The following CAST variants were observed in gnomAD, a reference collection of about 807,000 sequenced individuals.
CAST encodes calpastatin, also known as MIR583 host.
In CAST, 76 loss-of-function variants were observed where a neutral mutation model predicts 119.6. That is an observed-to-expected ratio of 0.64 (90% confidence interval 0.53 to 0.77). The LOEUF (loss-of-function observed/expected upper bound fraction) is 0.77, where lower values mean the gene tolerates loss of function less well. Ranked by LOEUF, CAST falls within the 30% of genes least tolerant of loss-of-function variation. The pLI, the probability that CAST is intolerant of heterozygous loss-of-function variation, is 0.00. For synonymous variants in CAST, 319 were observed against 331.6 expected (o/e 0.96, Z 0.41); for missense variants, 953 against 946.5 (o/e 1.01, Z -0.09).
chr5:96,619,822 A>C (rs557126022), intron 1 of CAST, among the ~76,000 whole-genome samples: 6 of 152,284 alleles, frequency 3.9e-5, no homozygotes, highest in African/African-American at 1.4e-4. Context: ...CCGACACATT[A>C]GCATTACAAG....
chr5:96,649,966 C>G lies in CAST; in HGVS notation c.61-25573C>G, dbSNP rs2112277. On this transcript the variant is annotated intron_variant, in intron 1 of 11. Coordinates refer to the CAST transcript ENST00000505143. ...ATTCTAAAAGTTTTACTTGGATATT[C>G]TCACATAATCCTTATAGCAACCTCA... Among the ~76,000 whole-genome samples the G allele has an allele frequency of 2.8e-3, 427 of 152,288 alleles. 9 individuals are homozygous for G. Among genetic ancestry groups the G allele is most frequent in the Admixed American group, 0.021 (325 of 15,300 alleles).
At chr5:96,328,422 T>TCTCTCTCC in the CAST span, among the ~76,000 whole-genome samples, 2 of 140,456 alleles carry the variant, frequency 1.4e-5, no homozygotes, top group Non-Finnish European at 3.1e-5. Context: ...TCTCTCTCTC[T>TCTCTCTCC]CTCTCTCTCC....
intron 1 of CAST, among the ~76,000 whole-genome samples, chr5:96,629,241 T>C (rs2150201428): frequency 6.6e-6 from 1 of 152,340 alleles, no homozygotes; most frequent in Non-Finnish European, 1.5e-5. Context: ...TGTTCGCTTC[T>C]ACCTTCCACC....
the CAST span, among the ~76,000 whole-genome samples, chr5:96,475,013 A>G: frequency 1.3e-5 from 2 of 152,198 alleles, no homozygotes; most frequent in Admixed American, 1.3e-4. Flanking sequence ...AGAAGAAGGT[A>G]AAAGGAGGTA....
At chr5:96,109,091 G>A in the CAST span, among the ~76,000 whole-genome samples, 6 of 152,172 alleles carry the variant, frequency 3.9e-5, 1 homozygote, top group African/African-American at 9.7e-5. Flanking sequence ...GCTTGCGCAC[G>A]GTGCGTGCAC....
At chr5:96,152,437 G>A in the CAST span, among the ~76,000 whole-genome samples, 2 of 152,152 alleles carry the variant, frequency 1.3e-5, no homozygotes, top group Non-Finnish European at 2.9e-5. Context: ...AGGGAATGGA[G>A]CATCTCTGGG....
At chr5:96,273,495 T>G in the CAST span, among the ~76,000 whole-genome samples, 1 of 152,200 alleles carries the variant, frequency 6.6e-6, no homozygotes, top group African/African-American at 2.4e-5. Flanking sequence ...TCTAAGCAAA[T>G]GCACAGTAGA....
At chr5:96,260,264 G>A in the CAST span, among the ~76,000 whole-genome samples, 15 of 152,128 alleles carry the variant, frequency 9.9e-5, no homozygotes, top group Admixed American at 9.8e-4. Context: ...CTCTAAAACC[G>A]GAGAGCAAGG....
the CAST span, among the ~76,000 whole-genome samples, chr5:96,023,964 A>G: frequency 8.5e-5 from 13 of 152,234 alleles, no homozygotes; most frequent in African/African-American, 3.1e-4. Context: ...AAAAAATTAA[A>G]AAGTAAACAG....
chr5:96,713,999 A>C (rs1756734573), intron 3 of CAST, among the ~76,000 whole-genome samples: 1 of 152,122 alleles, frequency 6.6e-6, no homozygotes, highest in South Asian at 2.1e-4. Context: ...CACAGTGGTC[A>C]GCACAGAATT....
intron 1 of CAST, among the ~76,000 whole-genome samples, chr5:96,562,644 C>T (rs946792766): frequency 1.3e-5 from 2 of 152,186 alleles, no homozygotes; most frequent in Non-Finnish European, 2.9e-5. Flanking sequence ...TTTTACTATA[C>T]ATGTACTTGC....
the CAST span, among the ~76,000 whole-genome samples, chr5:96,295,007 C>T: frequency 6.6e-6 from 1 of 152,120 alleles, no homozygotes; most frequent in African/African-American, 2.4e-5. Context: ...GAAACAGTCA[C>T]CAATGTTGTG....
the CAST span, among the ~76,000 whole-genome samples, chr5:96,466,892 T>C: frequency 6.6e-6 from 1 of 152,136 alleles, no homozygotes; most frequent in Non-Finnish European, 1.5e-5. Context: ...GGTAAGTGCC[T>C]ATACAGCTTT....
chr5:96,411,512 G>C, the CAST span, among the ~76,000 whole-genome samples: 1 of 152,120 alleles, frequency 6.6e-6, no homozygotes, highest in Admixed American at 6.5e-5. Flanking sequence ...TCATCTTATG[G>C]AGCACAAGGC....
the CAST span, among the ~76,000 whole-genome samples, chr5:96,486,711 G>A: frequency 1.3e-5 from 2 of 151,654 alleles, no homozygotes; most frequent in Non-Finnish European, 2.9e-5. Flanking sequence ...GTGTTGGGGG[G>A]GCAGATTCTG....
the CAST span, among the ~76,000 whole-genome samples, chr5:96,200,719 C>T: frequency 6.6e-6 from 1 of 152,212 alleles, no homozygotes; most frequent in Middle Eastern, 3.4e-3. Flanking sequence ...TCCTCACTTA[C>T]TAGCTGTATA....
chr5:96,155,784 T>C, the CAST span, among the ~76,000 whole-genome samples: 1 of 152,210 alleles, frequency 6.6e-6, no homozygotes, highest in South Asian at 2.1e-4. Context: ...TTTTTATTGT[T>C]ATTCAATCCT....
chr5:96,181,893 A>G, the CAST span, among the ~76,000 whole-genome samples: 1 of 152,230 alleles, frequency 6.6e-6, no homozygotes, highest in Non-Finnish European at 1.5e-5. Context: ...ATACCGAGGA[A>G]GATTAGAAGT....
intron 1 of CAST, among the ~76,000 whole-genome samples, chr5:96,629,791 A>T (rs1022389534): frequency 2.0e-5 from 3 of 152,080 alleles, no homozygotes; most frequent in Non-Finnish European, 4.4e-5. Context: ...TTTCTTCATC[A>T]CTCTCTGCCT....
Sources: gnomAD v4.1 joint callset for allele counts (sites outside exome capture counted in the v4.1 genomes callset) on GRCh38, gnomAD v4.1.1 for gene constraint, MANE v1.5 for transcripts, NCBI Gene and HGNC (gene_info 2026-07-23, HGNC 2026-07-21) for gene names.